The following ZBTB10 variants were observed in gnomAD, a reference collection of about 807,000 sequenced individuals.
The protein encoded by ZBTB10 is zinc finger and BTB domain-containing protein 10.
Under a neutral mutation model 76.4 loss-of-function variants are expected in ZBTB10, and 32 were observed. That is an observed-to-expected ratio of 0.42 (90% CI 0.32 to 0.56). ZBTB10 has a LOEUF of 0.56. Among genes scored for constraint, ZBTB10 ranks in the 20% least tolerant of loss-of-function variants. The pLI is 0.14. For missense variants in ZBTB10, 1,057 were observed against 1,098.5 expected, an observed-to-expected ratio of 0.96 and a Z score of 0.53; for synonymous variants, 523 against 432.9, an observed-to-expected ratio of 1.21 and a Z score of -2.58.
chr8:80,513,772 G>A (rs1173224880), intron 2 of ZBTB10, 138 bp from the exon 3 acceptor site: 1 of 669,218 alleles, frequency 1.5e-6, no homozygotes, highest in Non-Finnish European at 2.6e-6. Context: ...TGTGAGCCTT[G>A]TAGTATTGAA....
rs1156630023 is a variant in ZBTB10 at position 80,523,456 on chromosome 8, C to G, written c.*3928C>G. 6.6e-6 allele frequency: 1 copy of G among 151,864 alleles called. No individual in the cohort carries two copies. Among genetic ancestry groups the G allele is most frequent in the Non-Finnish European group, 1.5e-5 (1 of 67,874 alleles). The allele number at this position is 151,864 out of a possible 1,614,324, so 9.4% of individuals were successfully genotyped here. A position where few individuals can be genotyped will look rare whatever the true frequency, so the allele number is the denominator to read the frequency against. ...AGCACATGCTCTTAACTGGCTGTGGCATTTTAATTTTATAAAAGAATGGTT... is the reference window on the plus strand; with the variant it reads ...AGCACATGCTCTTAACTGGCTGTGGGATTTTAATTTTATAAAAGAATGGTT... On this transcript the variant is annotated 3_prime_UTR_variant, in exon 6 of 6. Coordinates refer to ENST00000455036, the MANE Select transcript of ZBTB10 (RefSeq NM_001105539.3).
chr8:80,499,311 AT>A (rs913845782), intron 1 of ZBTB10, among the ~76,000 whole-genome samples, 182 bp from the exon 2 acceptor site: 4 of 151,986 alleles, frequency 2.6e-5, no homozygotes, highest in East Asian at 1.9e-4. Flanking sequence ...GATGTGTTTG[AT>A]TTTTTTCTTT....
chr8:80,501,530 G>A (rs564874201), intron 2 of ZBTB10, among the ~76,000 whole-genome samples: 2 of 152,162 alleles, frequency 1.3e-5, no homozygotes, highest in African/African-American at 4.8e-5. Context: ...TTATACGATG[G>A]TGGTCATCTG....
At chr8:80,504,550 AG>A (rs1816003761) in intron 2 of ZBTB10, among the ~76,000 whole-genome samples, 1 of 152,060 alleles carries the variant, frequency 6.6e-6, no homozygotes, top group Non-Finnish European at 1.5e-5. Context: ...CTCACTACAG[AG>A]TCATATTTGT....
In ZBTB10 at chr8:80,525,846, C is replaced by CT. The variant is rs1442410749; in HGVS notation, c.*6319dup. ...GCACTAGCAACTTTAAGGATTTTGC[C>CT]TATTAGTATCATATGGCATGTAGCT... On this transcript the variant is annotated 3_prime_UTR_variant, in exon 6 of 6. Coordinates refer to ENST00000455036, the MANE Select transcript of ZBTB10 (RefSeq NM_001105539.3). The CT allele has an allele frequency of 1.3e-5, 2 of 152,076 alleles. No homozygotes were observed. The highest frequency in any genetic ancestry group is 4.8e-5 in the African/African-American group (2 of 41,418). 9.4% of individuals were successfully genotyped at this position (152,076 alleles called of 1,614,324 possible). A position where few individuals can be genotyped will look rare whatever the true frequency, so the allele number is the denominator to read the frequency against.
In ZBTB10 at chr8:80,521,973, T is replaced by C. The variant is rs1816457891; in HGVS notation, c.*2445T>C. ...TTAGGTAATCCAAAGGAAAAGTGTT[T>C]ATACTCTTGAATATATTAGCCTCAG... On this transcript the variant is annotated 3_prime_UTR_variant, in exon 6 of 6. Transcript: ENST00000455036. 6.6e-6 allele frequency: 1 copy of C among 151,904 alleles called. No homozygotes were observed. The highest frequency in any genetic ancestry group is 1.5e-5 in the Non-Finnish European group (1 of 67,798). 9.4% of individuals were successfully genotyped at this position (151,904 alleles called of 1,614,324 possible).
Position 80,488,816 on chromosome 8 carries a change from A to G in ZBTB10, c.972+1034A>G, listed in dbSNP as rs544958933. 2.6e-5 allele frequency among the ~76,000 whole-genome samples: 4 copies of G among 152,186 alleles called. No individual in the cohort carries two copies. In the East Asian group the frequency reaches 7.7e-4, roughly 29 times the overall value. On this transcript the variant is annotated intron_variant, in intron 1 of 5. Transcript: ENST00000455036. ...TTTCGTATTGGTTAGCCAGTCGTTG[A>G]TTTTATAAAGTTAGCTCTTAGTATT... is the stretch of plus-strand genomic sequence containing the variant.
In ZBTB10 at chr8:80,486,450, TC is replaced by T. The variant is rs1815453594; in HGVS notation, c.-357del. ...TTTAAAGAGGGGGCAGCGGAGGGTCTCCCCGCACTCCGCTGCTCAACTTCGA... is the reference window on the plus strand; with the variant it reads ...TTTAAAGAGGGGGCAGCGGAGGGTCTCCCGCACTCCGCTGCTCAACTTCGA... On this transcript the variant is annotated 5_prime_UTR_variant, in exon 1 of 6. Transcript: ENST00000455036. 1.0e-6 allele frequency: 1 copy of T among 984,662 alleles called. No homozygotes were observed. The highest frequency in any genetic ancestry group is 1.2e-6 in the Non-Finnish European group (1 of 829,824). The allele number at this position is 984,662 out of a possible 1,614,324, so 61.0% of individuals were successfully genotyped here. A position where few individuals can be genotyped will look rare whatever the true frequency, so the allele number is the denominator to read the frequency against.
intron 1 of ZBTB10, among the ~76,000 whole-genome samples, chr8:80,493,219 A>G (rs537018133): frequency 0.034 from 4,640 of 137,388 alleles, 106 homozygotes; most frequent in Middle Eastern, 0.044. Flanking sequence ...ACACACACAC[A>G]CACACACACA....
In ZBTB10 at chr8:80,524,407, T is replaced by C. The variant is rs1816508175; in HGVS notation, c.*4879T>C. On this transcript the variant is annotated 3_prime_UTR_variant, in exon 6 of 6. Coordinates refer to ENST00000455036, the MANE Select transcript of ZBTB10 (RefSeq NM_001105539.3). ...TTACATTTGTGCATAATCTTGGAAA[T>C]GGGTTGAAAAGCAAAGGTAAACTGC... 1 of 152,090 alleles carries C rather than the reference T, an allele frequency of 6.6e-6. No homozygotes were observed. The highest frequency in any genetic ancestry group is 1.5e-5 in the Non-Finnish European group (1 of 67,954). 9.4% of individuals were successfully genotyped at this position (152,090 alleles called of 1,614,324 possible). A position where few individuals can be genotyped will look rare whatever the true frequency, so the allele number is the denominator to read the frequency against.
intron 2 of ZBTB10, among the ~76,000 whole-genome samples, chr8:80,513,583 A>G (rs992937985): frequency 2.6e-5 from 4 of 152,210 alleles, no homozygotes; most frequent in Admixed American, 6.5e-5. Flanking sequence ...TTGGCTTGTT[A>G]TATTATCCAA....
chr8:80,502,751 G>A (rs1396487369), intron 2 of ZBTB10, among the ~76,000 whole-genome samples: 1 of 143,784 alleles, frequency 7.0e-6, no homozygotes, highest in African/African-American at 2.7e-5. Flanking sequence ...AAAAAAAAAA[G>A]ACTTTCACCT....
chr8:80,487,423 A>T lies in ZBTB10; in HGVS notation c.613A>T (p.Ser205Cys), dbSNP rs1281604523. The T allele has an allele frequency of 1.3e-6, 2 of 1,537,232 alleles. No individual in the cohort carries two copies. The highest frequency in any genetic ancestry group is 2.5e-5 in the East Asian group (1 of 40,608). The change falls in exon 1 of 6, where the codon AGC (serine) becomes TGC (cysteine). Residue 205 changes from serine to cysteine, a missense_variant. Around this residue, in one of 5 missense-constraint regions of ZBTB10, gnomAD observed 556 missense variants for 451.7 expected, o/e 1.23. Transcript: ENST00000455036. ...CAGCGGGGCGGAAGGCGGCAGCTGCAGCAGCAGCAGGCGGTCGGGCGGCGA... is the reference window on the plus strand; with the variant it reads ...CAGCGGGGCGGAAGGCGGCAGCTGCTGCAGCAGCAGGCGGTCGGGCGGCGA... ...DGSGAEGGSCSSSRRSGGDGG... is the reference protein window; with the variant it reads ...DGSGAEGGSCCSSRRSGGDGG...
intron 1 of ZBTB10, among the ~76,000 whole-genome samples, chr8:80,497,441 C>G (rs1457518915): frequency 2.3e-5 from 3 of 131,844 alleles, no homozygotes; most frequent in Non-Finnish European, 1.6e-5. Flanking sequence ...GAGAAAATAG[C>G]TAATTTAGAG....
At chr8:80,493,187 C>T (rs1248296389) in intron 1 of ZBTB10, among the ~76,000 whole-genome samples, 4 of 139,234 alleles carry the variant, frequency 2.9e-5, no homozygotes, top group Non-Finnish European at 4.7e-5. Context: ...AAGACTGTGC[C>T]TCAAAACGCG....
At chr8:80,494,224 T>C (rs1303098318) in intron 1 of ZBTB10, among the ~76,000 whole-genome samples, 1 of 152,270 alleles carries the variant, frequency 6.6e-6, no homozygotes, top group African/African-American at 2.4e-5. Context: ...TTTCTGCTAA[T>C]TCAGTTATTG....
upstream of ZBTB10, chr8:80,485,883 G>C (rs868427930): frequency 7.8e-6 from 12 of 1,535,600 alleles, no homozygotes; most frequent in Middle Eastern, 1.7e-4. Flanking sequence ...GGCGCGGGTA[G>C]GTGCGTGTGG....
intron 2 of ZBTB10, among the ~76,000 whole-genome samples, chr8:80,504,897 G>A (rs1456336313): frequency 6.6e-6 from 1 of 152,164 alleles, no homozygotes; most frequent in Non-Finnish European, 1.5e-5. Context: ...TTTACAACGT[G>A]TATTCACACA....
chr8:80,509,540 G>C (rs762645832), intron 2 of ZBTB10, among the ~76,000 whole-genome samples: 5 of 152,040 alleles, frequency 3.3e-5, no homozygotes, highest in Non-Finnish European at 7.3e-5. Flanking sequence ...CACTTCGCAC[G>C]TGATTTGGAA....
Sources: allele counts gnomAD v4.1 joint callset (sites outside exome capture counted in the v4.1 genomes callset), GRCh38; gene constraint gnomAD v4.1.1; regional missense constraint gnomAD v4.1.1; transcripts MANE v1.5; gene names NCBI Gene and HGNC (gene_info 2026-07-23, HGNC 2026-07-21).